The following GUCY1A1 variants were observed in gnomAD, a reference collection of about 807,000 sequenced individuals.
GUCY1A1 encodes the protein guanylate cyclase soluble subunit alpha-1.
Under a neutral mutation model 64.5 loss-of-function variants are expected in GUCY1A1, and 48 were observed. The observed-to-expected ratio is 0.74, with a 90% CI of 0.59 to 0.95. The LOEUF (loss-of-function observed/expected upper bound fraction) is 0.95, where lower values mean the gene tolerates loss of function less well. GUCY1A1 is among the 40% of genes least tolerant of loss of function. GUCY1A1 has a pLI of 0.00. For synonymous variants in GUCY1A1, 308 were observed against 303.4 expected, an observed-to-expected ratio of 1.02 and a Z score of -0.16; for missense variants, 804 against 825.3, an observed-to-expected ratio of 0.97 and a Z score of 0.32.
chr4:155,694,272 G>A (rs1192193053), intron 2 of GUCY1A1, among the ~76,000 whole-genome samples: 3 of 152,124 alleles, frequency 2.0e-5, no homozygotes, highest in African/African-American at 7.2e-5. Flanking sequence ...GCCAGGCACA[G>A]TGGCTCATGC....
intron 2 of GUCY1A1, among the ~76,000 whole-genome samples, chr4:155,676,059 C>T (rs1191449550): frequency 2.6e-5 from 4 of 151,444 alleles, no homozygotes; most frequent in East Asian, 3.9e-4. Flanking sequence ...AAGAGCAGCA[C>T]AATGAAGAGG....
At chr4:155,673,087 A>C (rs1294007457) in intron 2 of GUCY1A1, among the ~76,000 whole-genome samples, 1 of 146,772 alleles carries the variant, frequency 6.8e-6, no homozygotes, top group Non-Finnish European at 1.5e-5. Flanking sequence ...TCCTATATCT[A>C]ATAAAAATGC....
intron 3 of GUCY1A1, among the ~76,000 whole-genome samples, chr4:155,699,628 G>C (rs1227820607): frequency 6.6e-6 from 1 of 152,136 alleles, no homozygotes; most frequent in Non-Finnish European, 1.5e-5. Context: ...GAATACATTT[G>C]AGCTGTGTAG....
intron 2 of GUCY1A1, among the ~76,000 whole-genome samples, chr4:155,686,687 A>G (rs981336860): frequency 2.0e-5 from 3 of 152,236 alleles, no homozygotes; most frequent in Non-Finnish European, 1.5e-5. Flanking sequence ...CATTGGGAAT[A>G]ATATGAATTA....
chr4:155,680,419 G>A (rs1579009312), intron 2 of GUCY1A1, among the ~76,000 whole-genome samples: 1 of 151,828 alleles, frequency 6.6e-6, no homozygotes, highest in Non-Finnish European at 1.5e-5. Flanking sequence ...TAGTTATTTT[G>A]TATATCCACT....
chr4:155,717,336 A>C, intron 8 of GUCY1A1, 34 bp downstream of exon 8: 1 of 1,481,204 alleles, frequency 6.8e-7, no homozygotes, highest in Non-Finnish European at 9.1e-7. Context: ...AAAAGATGTC[A>C]CAAGAGCAAA....
At position 155,734,279 on chromosome 4, in the gene GUCY1A1, T is replaced by G. The variant is rs1230264307; in HGVS notation, c.*4048T>G. Among the ~76,000 whole-genome samples, 1 of 151,948 alleles carries G rather than the reference T, an allele frequency of 6.6e-6. No homozygotes were observed. Among genetic ancestry groups the G allele is most frequent in the Non-Finnish European group, 1.5e-5 (1 of 67,922 alleles). ...AGCTGGAAAACTGCCCAGATGGAGC[T>G]TTACATGCAAAGCTCCAGTGAAGTC... On this transcript the variant is annotated 3_prime_UTR_variant, in exon 10 of 10. Coordinates refer to ENST00000506455, the MANE Select transcript of GUCY1A1 (RefSeq NM_001130682.3).
chr4:155,713,693 C>A, intron 7 of GUCY1A1, 110 bp downstream of exon 7: 1 of 1,147,478 alleles, frequency 8.7e-7, no homozygotes, highest in Non-Finnish European at 1.2e-6. Context: ...TCTGTAGGGT[C>A]TTGCAAGCCC....
chr4:155,729,946 C>A, intron 9 of GUCY1A1, 84 bp from the exon 10 acceptor site: 1 of 807,480 alleles, frequency 1.2e-6, no homozygotes, highest in Non-Finnish European at 2.0e-6. Flanking sequence ...TATAAATATT[C>A]TCAGTAACAT....
At chr4:155,717,402 G>C (rs551714970) in intron 8 of GUCY1A1, 100 bp downstream of exon 8, 26 of 751,514 alleles carry the variant, frequency 3.5e-5, no homozygotes, top group Non-Finnish European at 1.2e-5. Flanking sequence ...AGTTGAGAGA[G>C]AGAGAGAAAG....
intron 5 of GUCY1A1, among the ~76,000 whole-genome samples, chr4:155,710,310 G>C (rs3796591): frequency 6.6e-6 from 1 of 152,052 alleles, no homozygotes; most frequent in African/African-American, 2.4e-5. Context: ...ATACTCAACC[G>C]GTCATTCTTT....
At chr4:155,673,258 A>G (rs1734404613) in intron 2 of GUCY1A1, among the ~76,000 whole-genome samples, 1 of 151,542 alleles carries the variant, frequency 6.6e-6, no homozygotes, top group African/African-American at 2.4e-5. Context: ...ATTATGGATT[A>G]TGCTTGTCAC....
chr4:155,723,580 A>G (rs529760979), intron 9 of GUCY1A1, among the ~76,000 whole-genome samples: 1 of 152,184 alleles, frequency 6.6e-6, no homozygotes, highest in East Asian at 1.9e-4. Context: ...TAGCTTTCCT[A>G]TTCTCAGAGA....
At chr4:155,725,604 A>G (rs1734555271) in intron 9 of GUCY1A1, among the ~76,000 whole-genome samples, 1 of 152,044 alleles carries the variant, frequency 6.6e-6, no homozygotes. Context: ...TTCTATATTG[A>G]TTGTTTTTAA....
At position 155,713,565 on chromosome 4, in the gene GUCY1A1, A is replaced by C. The variant is rs999186465; in HGVS notation, c.1554A>C (p.Gly518=). 3.1e-6 allele frequency: 5 copies of C among 1,613,138 alleles called. No homozygotes were observed. The African/African-American group carries it at 6.7e-5, about 22-fold the overall frequency. The change falls in exon 7 of 10, where the codon GGA becomes GGC. Residue 518 remains glycine, a synonymous_variant. Coordinates refer to ENST00000506455, the MANE Select transcript of GUCY1A1 (RefSeq NM_001130682.3). Reference sequence around the variant, plus strand: ...ACACTCGCTTCGACCAGCAGTGTGGAGAGCTGGATGTCTACAAGGTAGGAG... The same window carrying C: ...ACACTCGCTTCGACCAGCAGTGTGGCGAGCTGGATGTCTACAAGGTAGGAG... ...ALYTRFDQQC[G]ELDVYKVETI...
chr4:155,708,440 T>C (rs1579079711), intron 5 of GUCY1A1, 146 bp downstream of exon 5: 1 of 531,918 alleles, frequency 1.9e-6, no homozygotes, highest in East Asian at 3.0e-5. Flanking sequence ...AGAGTAACTC[T>C]TTTTGATACT....
At chr4:155,682,732 A>ATG (rs1463709287) in intron 2 of GUCY1A1, among the ~76,000 whole-genome samples, 53 of 149,342 alleles carry the variant, frequency 3.5e-4, no homozygotes, top group Non-Finnish European at 5.5e-4. Context: ...GTGTGTGTAT[A>ATG]TACCCCACTC....
chr4:155,726,257 A>G lies in GUCY1A1; in HGVS notation c.1872-3773A>G, dbSNP rs150380563. 2.2e-4 allele frequency among the ~76,000 whole-genome samples: 33 copies of G among 152,156 alleles called. No individual in the cohort carries two copies. The East Asian group carries it at 6.4e-3, about 29-fold the overall frequency. On this transcript the variant is annotated intron_variant, in intron 9 of 9. Transcript: ENST00000506455. ...GTTAATACTGTCTTATTTAGGCAAA[A>G]TATAAATACTTAATGTTAAATACTT... is the stretch of plus-strand genomic sequence containing the variant.
intron 9 of GUCY1A1, among the ~76,000 whole-genome samples, chr4:155,724,142 T>C (rs1020497718): frequency 6.6e-6 from 1 of 152,058 alleles, no homozygotes; most frequent in African/African-American, 2.4e-5. Flanking sequence ...TCCCATTACA[T>C]TGGCCCAGCT....
Sources: allele counts gnomAD v4.1 joint callset (sites outside exome capture counted in the v4.1 genomes callset), GRCh38; gene constraint gnomAD v4.1.1; transcripts MANE v1.5; gene names NCBI Gene and HGNC (gene_info 2026-07-23, HGNC 2026-07-21).